The following TBC1D31 variants were observed in gnomAD, a reference collection of about 807,000 sequenced individuals.
The protein encoded by TBC1D31 is TBC1 domain family member 31, also known as WD repeat domain 67.
Under a neutral mutation model 132.9 loss-of-function variants are expected in TBC1D31, and 99 were observed. The observed-to-expected ratio is 0.74, with a 90% confidence interval of 0.63 to 0.88. The LOEUF (loss-of-function observed/expected upper bound fraction) is 0.88, where lower values mean the gene tolerates loss of function less well. Among genes scored for constraint, TBC1D31 ranks in the 40% least tolerant of loss-of-function variants. The pLI, the probability that TBC1D31 is intolerant of heterozygous loss-of-function variation, is 0.00. For synonymous variants in TBC1D31, 385 were observed against 419.4 expected, an observed-to-expected ratio of 0.92 and a Z score of 1.00; for missense variants, 1,134 against 1,256.6, an observed-to-expected ratio of 0.90 and a Z score of 1.48.
At chr8:123,095,436 C>T (rs1420105944) in intron 5 of TBC1D31, among the ~76,000 whole-genome samples, 2 of 152,136 alleles carry the variant, frequency 1.3e-5, no homozygotes, top group East Asian at 3.8e-4. Context: ...AAAGGAAAGG[C>T]AGGATAAATG....
chr8:123,124,370 T>C (rs1819815913), intron 11 of TBC1D31, among the ~76,000 whole-genome samples: 1 of 152,204 alleles, frequency 6.6e-6, no homozygotes, highest in African/African-American at 2.4e-5. Flanking sequence ...CATTTCTCTG[T>C]ATTTTGCTAT....
In TBC1D31 at chr8:123,100,135, A is replaced by G. The variant is rs867708982; in HGVS notation, c.832-672A>G. Among the ~76,000 whole-genome samples, 4 of 152,210 alleles carry G rather than the reference A, an allele frequency of 2.6e-5. No individual in the cohort carries two copies. In the South Asian group the frequency reaches 6.2e-4, roughly 24 times the overall value. On this transcript the variant is annotated intron_variant, in intron 6 of 21. Transcript: ENST00000287380. ...TTGTCTAATCCTCTCTGTCCCCTGT[A>G]TATGTCATCAGTGGGCATGATCTGC... is the stretch of plus-strand genomic sequence containing the variant.
chr8:123,129,249 G>A, intron 15 of TBC1D31, 31 bp downstream of exon 15: 2 of 1,414,290 alleles, frequency 1.4e-6, no homozygotes, highest in Non-Finnish European at 9.4e-7. Flanking sequence ...AAAAAATCTG[G>A]ACATATAAGT....
the TBC1D31 span, among the ~76,000 whole-genome samples, chr8:123,162,423 C>T: frequency 6.6e-6 from 1 of 152,054 alleles, no homozygotes; most frequent in Non-Finnish European, 1.5e-5. Flanking sequence ...CAAATGGACC[C>T]AGGCAGGGAG....
chr8:123,112,816 T>A (rs928783446), intron 10 of TBC1D31, among the ~76,000 whole-genome samples: 1 of 152,226 alleles, frequency 6.6e-6, no homozygotes, highest in African/African-American at 2.4e-5. Context: ...TGTTAAGAGA[T>A]GACTTAGAGA....
At chr8:123,082,535 T>A (rs1450550161) in intron 2 of TBC1D31, 167 bp from the exon 3 acceptor site, 1 of 583,902 alleles carries the variant, frequency 1.7e-6, no homozygotes, top group African/African-American at 1.9e-5. Context: ...TCTGATAACA[T>A]CCAAACTCCT....
intron 12 of TBC1D31, 34 bp from the exon 13 acceptor site, chr8:123,126,474 A>G: frequency 1.3e-6 from 2 of 1,579,358 alleles, no homozygotes; most frequent in Non-Finnish European, 1.7e-6. Flanking sequence ...ACTTTTCCCT[A>G]GAAAAATAAT....
chr8:123,118,922 C>T lies in TBC1D31; in HGVS notation c.1437-1133C>T, dbSNP rs187712377. 1.2e-3 allele frequency among the ~76,000 whole-genome samples: 178 copies of T among 152,274 alleles called. 1 individual carries two copies. The highest frequency in any genetic ancestry group is 3.1e-3 in the African/African-American group (128 of 41,546). ...AAAATTTTTTGTAGAGATGAGGTCT[C>T]GCTCTGTTGTCCAGGCTGGTCTCAA... On this transcript the variant is annotated intron_variant, in intron 10 of 21. Transcript: ENST00000287380.
At chr8:123,140,985 C>G in intron 18 of TBC1D31, 84 bp downstream of exon 18, 1 of 1,295,606 alleles carries the variant, frequency 7.7e-7, no homozygotes, top group Non-Finnish European at 1.1e-6. Flanking sequence ...CGAAATTAAA[C>G]TCTGTGAAGT....
chr8:123,161,878 C>A, the TBC1D31 span, among the ~76,000 whole-genome samples: 14 of 151,556 alleles, frequency 9.2e-5, no homozygotes, highest in African/African-American at 3.4e-4. Context: ...ATTAGCCGGG[C>A]GTGGTGGTGG....
chr8:123,135,960 A>G (rs1821054777), intron 17 of TBC1D31, among the ~76,000 whole-genome samples: 1 of 152,230 alleles, frequency 6.6e-6, no homozygotes, highest in East Asian at 1.9e-4. Context: ...TTAAACACTA[A>G]CATTCTACTA....
chr8:123,087,062 G>A (rs1425756167), intron 4 of TBC1D31, among the ~76,000 whole-genome samples: 1 of 152,196 alleles, frequency 6.6e-6, no homozygotes, highest in African/African-American at 2.4e-5. Context: ...AATGTTAGAA[G>A]TGGAGAAGTC....
intron 21 of TBC1D31, among the ~76,000 whole-genome samples, chr8:123,151,174 G>A (rs1258631283): frequency 7.1e-6 from 1 of 141,182 alleles, no homozygotes; most frequent in African/African-American, 2.7e-5. Context: ...CATGAAAGTT[G>A]TATTTCTTTG....
Position 123,072,738 on chromosome 8 carries a change from C to G in TBC1D31, c.-32C>G. 1 of 1,549,130 alleles carries G rather than the reference C, an allele frequency of 6.5e-7. No individual in the cohort carries two copies. Among genetic ancestry groups the G allele is most frequent in the Non-Finnish European group, 8.7e-7 (1 of 1,145,990 alleles). Reference sequence around the variant, plus strand: ...GGAAGGCGCTGGGACGGTTACCCAGCGGGCCGCCGGCGGTCGTGGGCAAGC... The same window carrying G: ...GGAAGGCGCTGGGACGGTTACCCAGGGGGCCGCCGGCGGTCGTGGGCAAGC... On this transcript the variant is annotated 5_prime_UTR_variant, in exon 1 of 22. Coordinates refer to ENST00000287380, the MANE Select transcript of TBC1D31 (RefSeq NM_145647.4).
Position 123,100,918 on chromosome 8 carries a change from A to AAT in TBC1D31, c.943_944insAT (p.Ser315AsnfsTer17). The AAT allele has an allele frequency of 1.2e-6, 2 of 1,614,026 alleles. No homozygotes were observed. Among genetic ancestry groups the AAT allele is most frequent in the Non-Finnish European group, 1.7e-6 (2 of 1,179,904 alleles). On this transcript the variant is annotated frameshift_variant, in exon 7 of 22. Coordinates refer to ENST00000287380, the MANE Select transcript of TBC1D31 (RefSeq NM_145647.4). LOFTEE classifies it high-confidence loss of function. ...TGAAGGAATTAGCTCATCAGCAATT[A>AAT]GCCCACATGGACGGTACATTGCATC...
Position 123,082,769 on chromosome 8 carries a change from GA to G in TBC1D31, c.294del (p.Glu98AspfsTer6). The G allele has an allele frequency of 6.2e-7, 1 of 1,613,368 alleles. No individual in the cohort carries two copies. The highest frequency in any genetic ancestry group is 8.5e-7 in the Non-Finnish European group (1 of 1,179,968). On this transcript the variant is annotated frameshift_variant, in exon 3 of 22. Transcript: ENST00000287380. LOFTEE classifies it high-confidence loss of function. ...GGCCTTTAATCTTCGTAGGAAATCTGAATTCCTTGTGGCATTAGCTGATTAT... is the reference window on the plus strand; with the variant it reads ...GGCCTTTAATCTTCGTAGGAAATCTGATTCCTTGTGGCATTAGCTGATTAT... ...ALAFNLRRKS[E>X]FLVALADYSI...
intron 10 of TBC1D31, among the ~76,000 whole-genome samples, chr8:123,113,301 T>G (rs1191846598): frequency 6.6e-6 from 1 of 152,334 alleles, no homozygotes; most frequent in Middle Eastern, 3.4e-3. Flanking sequence ...TTGTTGATGC[T>G]TCTTCCTTAT....
intron 4 of TBC1D31, among the ~76,000 whole-genome samples, chr8:123,091,220 G>A (rs941122941): frequency 6.6e-6 from 1 of 151,942 alleles, no homozygotes; most frequent in Admixed American, 6.6e-5. Context: ...TTAAAATATG[G>A]CAATTAAAAT....
intron 4 of TBC1D31, among the ~76,000 whole-genome samples, chr8:123,089,184 G>A (rs1207648528): frequency 6.6e-6 from 1 of 152,074 alleles, no homozygotes; most frequent in Non-Finnish European, 1.5e-5. Context: ...ATACTCAATT[G>A]GTGAGTATAA....
Sources: allele counts gnomAD v4.1 joint callset (sites outside exome capture counted in the v4.1 genomes callset), GRCh38; gene constraint gnomAD v4.1.1; transcripts MANE v1.5; gene names NCBI Gene and HGNC (gene_info 2026-07-23, HGNC 2026-07-21).